The following VSX1 variants were observed in gnomAD, a reference collection of about 807,000 sequenced individuals.
VSX1 encodes the protein homeodomain protein RINX.
Under a neutral mutation model 23.6 loss-of-function variants are expected in VSX1, and 23 were observed. That is an observed-to-expected ratio of 0.97 (90% CI 0.70 to 1.38). VSX1 has a LOEUF of 1.38. VSX1 is among the 40% of genes most tolerant of loss of function. VSX1 has a pLI of 0.00. For missense variants in VSX1, 517 were observed against 495.4 expected (o/e 1.04, Z -0.41); for synonymous variants, 247 against 215.1 (o/e 1.15, Z -1.30).
Position 25,077,695 on chromosome 20 carries a change from G to C in VSX1, c.798C>G (p.Pro266=). Residue 266 remains proline (P), a synonymous_variant, in exon 4 of 5, where the codon CCC becomes CCG. Transcript: ENST00000376709. ...AEGGLLGSCA[P]WLLGMHKKSM... Reference sequence around the variant, plus strand: ...GGGGCCCTTCCTTACCCAGGAGCCAGGGCGCGCAGGAGCCCAGCAGGCCGC... The same window carrying C: ...GGGGCCCTTCCTTACCCAGGAGCCACGGCGCGCAGGAGCCCAGCAGGCCGC... 1 of 1,548,592 alleles carries C rather than the reference G, an allele frequency of 6.5e-7. No individual in the cohort carries two copies. The highest frequency in any genetic ancestry group is 8.7e-7 in the Non-Finnish European group (1 of 1,146,778).
intron 3 of VSX1, 101 bp downstream of exon 3, chr20:25,078,728 C>T (rs563903530): frequency 3.2e-5 from 52 of 1,613,624 alleles, no homozygotes; most frequent in South Asian, 1.1e-4. Flanking sequence ...GCAAAGGGAG[C>T]GTGTTGGCTA....
intron 3 of VSX1, chr20:25,078,143 G>A: frequency 1.9e-6 from 1 of 532,638 alleles, no homozygotes; most frequent in African/African-American, 1.9e-5. Flanking sequence ...AGTCAGGAAT[G>A]AAAAAAACTA....
chr20:25,080,055 A>T (rs2089607660), intron 1 of VSX1, among the ~76,000 whole-genome samples: 1 of 152,152 alleles, frequency 6.6e-6, no homozygotes, highest in African/African-American at 2.4e-5. Flanking sequence ...GAATCTCTGG[A>T]GGTGGGATCT....
intron 1 of VSX1, among the ~76,000 whole-genome samples, chr20:25,080,601 G>T (rs2089618718): frequency 6.6e-6 from 1 of 152,206 alleles, no homozygotes; most frequent in African/African-American, 2.4e-5. Context: ...CGTCAAACAT[G>T]AAATCACATT....
chr20:25,080,398 A>G (rs1255164567), intron 1 of VSX1, among the ~76,000 whole-genome samples: 2 of 152,266 alleles, frequency 1.3e-5, no homozygotes, highest in Non-Finnish European at 2.9e-5. Flanking sequence ...TATTAAGCAC[A>G]TGAAATGTGG....
At chr20:25,074,162 A>G (rs931647645), downstream of VSX1, among the ~76,000 whole-genome samples, 3 of 152,232 alleles carry the variant, frequency 2.0e-5, no homozygotes, top group Non-Finnish European at 4.4e-5. Context: ...AACTGAGCCA[A>G]GTATATTACT....
intron 3 of VSX1, 47 bp downstream of exon 3, chr20:25,078,782 A>G (rs1180030372): frequency 1.4e-5 from 22 of 1,613,874 alleles, no homozygotes; most frequent in Non-Finnish European, 1.8e-5. Flanking sequence ...TGGGAATGAC[A>G]CGTTCTCTGT....
Position 25,076,053 on chromosome 20 carries a change from T to G in VSX1, c.*208A>C. The G allele has an allele frequency of 1.5e-6, 1 of 667,126 alleles. No homozygotes were observed. Among genetic ancestry groups the G allele is most frequent in the Non-Finnish European group, 2.5e-6 (1 of 399,152 alleles). The allele number at this position is 667,126 out of a possible 1,614,324, so 41.3% of individuals were successfully genotyped here. A position where few individuals can be genotyped will look rare whatever the true frequency, so the allele number is the denominator to read the frequency against. ...ACCAAGTTAACTGGTTAAAGTGCCA[T>G]TAAGGAACCGTTTCCATTCTAGAAT... On this transcript the variant is annotated 3_prime_UTR_variant, in exon 5 of 5. Coordinates refer to ENST00000376709, the MANE Select transcript of VSX1 (RefSeq NM_014588.6).
downstream of VSX1, chr20:25,071,293 G>T (rs1416618085): frequency 8.8e-6 from 4 of 453,920 alleles, no homozygotes; most frequent in Admixed American, 9.4e-5. Context: ...GAGGAGAAGG[G>T]CAGCCAGCCT....
rs750737076 is a variant in VSX1 at position 25,082,063 on chromosome 20, T to C, written c.34A>G (p.Thr12Ala). 1 of 1,538,530 alleles carries C rather than the reference T, an allele frequency of 6.5e-7. No homozygotes were observed. The highest frequency in any genetic ancestry group is 1.2e-5 in the South Asian group (1 of 84,326). The change falls in exon 1 of 5, where the codon ACT becomes GCT. Residue 12 changes from threonine to alanine, a missense_variant. Coordinates refer to ENST00000376709, the MANE Select transcript of VSX1 (RefSeq NM_014588.6). ...CCAGGCACCAGCGCCCTGCTGCTAG[T>C]GCGCCCGTCGGAAAGCGAGTCCCGG... ...TGRDSLSDGR[T>A]SSRALVPGGS...
Position 25,079,630 on chromosome 20 carries a change from T to C in VSX1, c.425-116A>G. ...TCTTGGGTACTTAAGTAGTTTACAGTATGAGCCAGCATTTTTAGTGCCTAC... is the reference window on the plus strand; with the variant it reads ...TCTTGGGTACTTAAGTAGTTTACAGCATGAGCCAGCATTTTTAGTGCCTAC... On this transcript the variant is annotated intron_variant, in intron 1 of 4. Transcript: ENST00000376709. The C allele has an allele frequency of 2.8e-6, 3 of 1,072,576 alleles. No individual in the cohort carries two copies. In the African/African-American group the frequency reaches 4.7e-5, roughly 17 times the overall value. The allele number at this position is 1,072,576 out of a possible 1,614,324, so 66.4% of individuals were successfully genotyped here.
At chr20:25,077,952 C>T in intron 3 of VSX1, 87 bp from the exon 4 acceptor site, 1 of 1,450,652 alleles carries the variant, frequency 6.9e-7, no homozygotes. Flanking sequence ...TCCCAGGGCT[C>T]GGATCTTCTC....
chr20:25,081,037 G>A (rs1364056149), intron 1 of VSX1, among the ~76,000 whole-genome samples: 1 of 152,210 alleles, frequency 6.6e-6, no homozygotes, highest in Non-Finnish European at 1.5e-5. Flanking sequence ...TTTCTTTGGG[G>A]AAATGGGTAG....
In VSX1 at chr20:25,075,945, C is replaced by T; in HGVS notation, c.*316G>A. 2.3e-6 allele frequency: 1 copy of T among 427,992 alleles called. No individual in the cohort carries two copies. The highest frequency in any genetic ancestry group is 4.3e-6 in the Non-Finnish European group (1 of 230,560). The allele number at this position is 427,992 out of a possible 1,614,324, so 26.5% of individuals were successfully genotyped here. A position where few individuals can be genotyped will look rare whatever the true frequency, so the allele number is the denominator to read the frequency against. On this transcript the variant is annotated 3_prime_UTR_variant, in exon 5 of 5. Transcript: ENST00000376709. ...CTATACAGTACATTGAACCACACAT[C>T]TCAAATGATGCCCAGCAGTGAAATC...
downstream of VSX1, chr20:25,072,704 GT>G (rs2089405245): frequency 2.1e-6 from 1 of 470,446 alleles, no homozygotes; most frequent in African/African-American, 2.0e-5. Flanking sequence ...AAACAATTGT[GT>G]TTTCATATAT....
Position 25,081,660 on chromosome 20 carries a change from C to G in VSX1, c.424+13G>C. 6.6e-7 allele frequency: 1 copy of G among 1,524,020 alleles called. No individual in the cohort carries two copies. Among genetic ancestry groups the G allele is most frequent in the Non-Finnish European group, 8.8e-7 (1 of 1,142,248 alleles). 94.4% of individuals were successfully genotyped at this position (1,524,020 alleles called of 1,614,324 possible). A position where few individuals can be genotyped will look rare whatever the true frequency, so the allele number is the denominator to read the frequency against. Reference sequence around the variant, plus strand: ...GGGACAGGGGCAGGAGCGGAAAGCGCGGGCCTGATTACCGGACGTGGAGAC... The same window carrying G: ...GGGACAGGGGCAGGAGCGGAAAGCGGGGGCCTGATTACCGGACGTGGAGAC... On this transcript the variant is annotated intron_variant, in intron 1 of 4. Transcript: ENST00000376709.
intron 2 of VSX1, 91 bp from the exon 3 acceptor site, chr20:25,079,043 G>T (rs2089579848): frequency 1.3e-6 from 2 of 1,509,640 alleles, no homozygotes; most frequent in Non-Finnish European, 1.8e-6. Context: ...TGCTTCCTCT[G>T]CTGTCCAGAC....
At chr20:25,072,688 C>T, downstream of VSX1, 1 of 470,982 alleles carries the variant, frequency 2.1e-6, no homozygotes, top group South Asian at 1.5e-5. Context: ...ATTCATTGAC[C>T]ACAGAAAACA....
In VSX1 at chr20:25,076,315, G is replaced by A. The variant is rs2089490168; in HGVS notation, c.1044C>T (p.Gly348=). 1.2e-6 allele frequency: 2 copies of A among 1,614,072 alleles called. No homozygotes were observed. Among genetic ancestry groups the A allele is most frequent in the Non-Finnish European group, 1.7e-6 (2 of 1,180,042 alleles). The stretch of plus-strand genomic sequence containing the variant: ...GCCCCTCCAGTGCCGTGGAGTTGGA[G>A]CCTCCTTGAGCACCAGCCCCAGGGT... ...KVHPGAGAQG[G]SNSTALEGPQ... Residue 348 remains glycine (G), a synonymous_variant, in exon 5 of 5, where the codon GGC becomes GGT. Transcript: ENST00000376709.
Sources: allele counts gnomAD v4.1 joint callset (sites outside exome capture counted in the v4.1 genomes callset), GRCh38; gene constraint gnomAD v4.1.1; transcripts MANE v1.5; gene names NCBI Gene and HGNC (gene_info 2026-07-23, HGNC 2026-07-21).